Variants in FREM2 observed in about 807,000 individuals in gnomAD.
FREM2 encodes the protein FRAS1 related extracellular matrix 2.
A neutral mutation model predicts 219.9 loss-of-function variants in FREM2; 119 were observed. That is an observed-to-expected ratio of 0.54 (90% CI 0.47 to 0.63). The LOEUF is 0.63. FREM2 is among the 30% of genes least tolerant of loss of function. The pLI is 0.00. For missense variants in FREM2, 4,030 were observed against 3,993.6 expected (o/e 1.01, Z -0.25); for synonymous variants, 1,562 against 1,522.8 (o/e 1.03, Z -0.60).
chr13:38,859,122 G>A (rs947132578), intron 13 of FREM2, among the ~76,000 whole-genome samples, 165 bp from the exon 14 acceptor site: 1 of 152,184 alleles, frequency 6.6e-6, no homozygotes, highest in Non-Finnish European at 1.5e-5. Context: ...GCAAGATTAT[G>A]TTTATAAATG....
At chr13:38,873,066 GAT>G in intron 17 of FREM2, 132 bp downstream of exon 17, 1 of 759,080 alleles carries the variant, frequency 1.3e-6, no homozygotes, top group Non-Finnish European at 2.2e-6. Flanking sequence ...TCTATAATAA[GAT>G]AATTTCACCT....
rs773386433 is a variant in FREM2, at chr13:38,851,094, G to A, written c.6728G>A (p.Arg2243Gln). The A allele has an allele frequency of 2.8e-5, 45 of 1,613,572 alleles. No homozygotes were observed. In the Middle Eastern group the frequency reaches 5.0e-4, roughly 18 times the overall value. ...CAAAATGAAACTCTCATAAGGATCC[G>A]AGATGATGCTGATAGTAAGAAATCT... ...GEQNETLIRI[R>Q]DDADKTVIKF... is the part of the protein sequence containing the mutation. The change falls in exon 10 of 24, where the codon CGA (arginine) becomes CAA (glutamine). Residue 2243 changes from arginine to glutamine, a missense_variant. Physicochemically the swap from Arg to Gln is conservative, Grantham distance 43. This residue lies in a region of FREM2 where 3,102 missense variants were observed against 2,950.7 expected (regional missense o/e 1.05). Coordinates refer to ENST00000280481, the MANE Select transcript of FREM2 (RefSeq NM_207361.6).
intron 6 of FREM2, among the ~76,000 whole-genome samples, chr13:38,840,664 A>T (rs1385931180): frequency 2.8e-5 from 4 of 141,896 alleles, no homozygotes; most frequent in African/African-American, 1.1e-4. Flanking sequence ...ATATATATAC[A>T]CACACATATG....
At chr13:38,860,884 T>G (rs911250380) in intron 14 of FREM2, among the ~76,000 whole-genome samples, 13 of 152,178 alleles carry the variant, frequency 8.5e-5, no homozygotes, top group Non-Finnish European at 1.3e-4. Flanking sequence ...AAAAATTACA[T>G]CTATAGAGAA....
intron 2 of FREM2, among the ~76,000 whole-genome samples, chr13:38,734,959 G>A (rs553648663): frequency 2.6e-5 from 4 of 152,148 alleles, no homozygotes; most frequent in African/African-American, 4.8e-5. Context: ...TATTGGCCAG[G>A]CTGGTCTCAA....
intron 5 of FREM2, among the ~76,000 whole-genome samples, chr13:38,783,431 A>G (rs1874200127): frequency 6.6e-6 from 1 of 151,030 alleles, no homozygotes; most frequent in Non-Finnish European, 1.5e-5. Flanking sequence ...GTAAGGAACT[A>G]AAGCCCAACC....
chr13:38,701,490 T>C (rs1593352094), intron 2 of FREM2, among the ~76,000 whole-genome samples: 1 of 152,118 alleles, frequency 6.6e-6, no homozygotes, highest in East Asian at 1.9e-4. Context: ...CCAGATCCAG[T>C]ACTCTGGAAT....
chr13:38,766,564 A>G (rs1461197401), intron 3 of FREM2, among the ~76,000 whole-genome samples: 1 of 152,216 alleles, frequency 6.6e-6, no homozygotes, highest in East Asian at 1.9e-4. Flanking sequence ...CTCTGCTTTT[A>G]TTTATGGACT....
At chr13:38,869,874 G>A (rs1022217814) in intron 16 of FREM2, among the ~76,000 whole-genome samples, 8 of 152,146 alleles carry the variant, frequency 5.3e-5, no homozygotes, top group Admixed American at 5.2e-4. Flanking sequence ...ATTGAAGACT[G>A]CAGATCATTT....
At chr13:38,762,491 G>C (rs951241595) in intron 2 of FREM2, among the ~76,000 whole-genome samples, 3 of 151,850 alleles carry the variant, frequency 2.0e-5, no homozygotes, top group African/African-American at 4.8e-5. Context: ...CCAGGCTGGA[G>C]TGCAATGGTG....
intron 9 of FREM2, 22 bp from the exon 10 acceptor site, chr13:38,850,922 C>G (rs1183045362): frequency 1.2e-6 from 2 of 1,608,746 alleles, no homozygotes; most frequent in Non-Finnish European, 1.7e-6. Flanking sequence ...ATGTGATTGA[C>G]CTGCTGACAT....
Position 38,690,733 on chromosome 13 carries a change from G to C in FREM2, c.3389G>C (p.Gly1130Ala), listed in dbSNP as rs1453406056. 3 of 1,613,958 alleles carry C rather than the reference G, an allele frequency of 1.9e-6. No individual in the cohort carries two copies. The Admixed American group carries it at 5.0e-5, about 27-fold the overall frequency. ...PAPGSEKSRA[G>A]IAISAFNLKD... Reference sequence around the variant, plus strand: ...CCAGGCTCTGAGAAATCAAGAGCAGGGATTGCCATAAGTGCTTTCAACTTG... The same window carrying C: ...CCAGGCTCTGAGAAATCAAGAGCAGCGATTGCCATAAGTGCTTTCAACTTG... Residue 1130 changes from glycine (G) to alanine (A), a missense_variant, in exon 1 of 24, where the codon GGG becomes GCG. By Grantham distance (60) the Gly-to-Ala change is moderately conservative. Around this residue, in one of 2 missense-constraint regions of FREM2, gnomAD observed 3,102 missense variants for 2,950.7 expected, o/e 1.05. Transcript: ENST00000280481.
intron 6 of FREM2, among the ~76,000 whole-genome samples, chr13:38,841,631 C>T (rs543858075): frequency 6.6e-4 from 101 of 151,952 alleles, no homozygotes; most frequent in Non-Finnish European, 1.2e-3. Flanking sequence ...AATTTCTTGC[C>T]GATTCGAAGG....
intron 2 of FREM2, among the ~76,000 whole-genome samples, chr13:38,707,882 A>C (rs1870602234): frequency 6.6e-6 from 1 of 152,192 alleles, no homozygotes; most frequent in Non-Finnish European, 1.5e-5. Flanking sequence ...TTAATCCTTT[A>C]GGAAATTGTT....
At position 38,687,429 on chromosome 13, in the gene FREM2, C is replaced by G. The variant is rs775538675; in HGVS notation, c.85C>G (p.Arg29Gly). ...SFQPGPPPPP[R>G]LLLLLLLLLS... ...TCAACCAGGACCGCCACCGCCGCCC[C>G]GGCTGCTGCTGCTGCTGCTGCTTCT... The change falls in exon 1 of 24, where the codon CGG becomes GGG. Residue 29 changes from arginine to glycine, a missense_variant. Arg to Gly is a moderately radical substitution (Grantham distance 125, BLOSUM62 -2). This residue lies in a region of FREM2 where 3,102 missense variants were observed against 2,950.7 expected (regional missense o/e 1.05). Coordinates refer to ENST00000280481, the MANE Select transcript of FREM2 (RefSeq NM_207361.6). 1 of 1,601,282 alleles carries G rather than the reference C, an allele frequency of 6.2e-7. No homozygotes were observed. The highest frequency in any genetic ancestry group is 8.5e-7 in the Non-Finnish European group (1 of 1,174,454).
chr13:38,849,602 G>A (rs1309804706), intron 8 of FREM2, among the ~76,000 whole-genome samples: 9 of 152,174 alleles, frequency 5.9e-5, no homozygotes, highest in East Asian at 3.9e-4. Context: ...AGCCCTATAC[G>A]TAATTAACCT....
chr13:38,809,306 T>C (rs1385106960), intron 6 of FREM2, among the ~76,000 whole-genome samples: 1 of 149,006 alleles, frequency 6.7e-6, no homozygotes, highest in East Asian at 2.0e-4. Context: ...TTAAATTTTC[T>C]TTTTTTTTTA....
intron 2 of FREM2, among the ~76,000 whole-genome samples, chr13:38,715,309 A>G (rs2138100241): frequency 6.6e-6 from 1 of 152,338 alleles, no homozygotes; most frequent in South Asian, 2.1e-4. Context: ...TGACGTACCA[A>G]AAGAAATAAT....
rs776093493 is a variant in FREM2, at chr13:38,687,532, C to T, written c.188C>T (p.Ala63Val). ...RALLSPGLAG[A>V]AGVPAEEAIV... The stretch of plus-strand genomic sequence containing the variant: ...TTGCTGTCCCCTGGTCTCGCGGGGG[C>T]TGCAGGGGTCCCTGCTGAGGAGGCC... Residue 63 changes from alanine (A) to valine (V), a missense_variant, in exon 1 of 24, where the codon GCT (alanine) becomes GTT (valine). Physicochemically the swap from Ala to Val is moderately conservative, Grantham distance 64 (BLOSUM62 0). Around this residue, in one of 2 missense-constraint regions of FREM2, gnomAD observed 3,102 missense variants for 2,950.7 expected, o/e 1.05. Transcript: ENST00000280481. 1 of 1,599,528 alleles carries T rather than the reference C, an allele frequency of 6.3e-7. No individual in the cohort carries two copies. The highest frequency in any genetic ancestry group is 1.7e-5 in the Admixed American group (1 of 58,384).
Sources: gnomAD v4.1 joint callset for allele counts (sites outside exome capture counted in the v4.1 genomes callset) on GRCh38, gnomAD v4.1.1 for gene constraint, gnomAD v4.1.1 regional missense constraint, MANE v1.5 for transcripts, NCBI Gene and HGNC (gene_info 2026-07-23, HGNC 2026-07-21) for gene names.